TMEM120B: variants seen among roughly 807,000 people sequenced by gnomAD.
The protein encoded by TMEM120B is transmembrane protein 120B.
Under a neutral mutation model 55.5 loss-of-function variants are expected in TMEM120B, and 31 were observed. The ratio of observed to expected loss-of-function variants is 0.56; its 90% CI spans 0.42 to 0.75. The LOEUF is 0.75. TMEM120B is among the 30% of genes least tolerant of loss of function. TMEM120B has a pLI of 0.00. For missense variants in TMEM120B, 399 were observed against 425.5 expected, an observed-to-expected ratio of 0.94 and a Z score of 0.55; for synonymous variants, 203 against 176.3, an observed-to-expected ratio of 1.15 and a Z score of -1.20.
intron 1 of TMEM120B, 71 bp from the exon 2 acceptor site, chr12:121,743,555 CAAA>C: frequency 3.1e-6 from 3 of 969,402 alleles, no homozygotes; most frequent in Non-Finnish European, 3.0e-6. Context: ...GAGACTCTCT[CAAA>C]AAAAAAAAGA....
rs534920584 is a variant in TMEM120B, at chr12:121,754,481, C to T, written c.461+2258C>T. ...CACATTTTCCCACAGTTCTGGAAGC[C>T]GGCGGTCTGAAAGCAGGGCGTGGCA... On this transcript the variant is annotated intron_variant, in intron 5 of 11. Coordinates refer to ENST00000449592, the MANE Select transcript of TMEM120B (RefSeq NM_001080825.2). Among the ~76,000 whole-genome samples, 729 of 152,286 alleles carry T rather than the reference C, an allele frequency of 4.8e-3. 4 individuals are homozygous for T. The highest frequency in any genetic ancestry group is 8.3e-3 in the Non-Finnish European group (564 of 68,018).
At chr12:121,763,848 C>T (rs1873761569) in intron 6 of TMEM120B, among the ~76,000 whole-genome samples, 1 of 152,190 alleles carries the variant, frequency 6.6e-6, no homozygotes. Context: ...GCTGCGCAGC[C>T]CCCACCGCCT....
At chr12:121,757,271 C>T (rs1001581398) in intron 5 of TMEM120B, among the ~76,000 whole-genome samples, 2 of 152,040 alleles carry the variant, frequency 1.3e-5, no homozygotes, top group African/African-American at 4.8e-5. Flanking sequence ...AAGCGATTCA[C>T]CTGCCTCAGC....
chr12:121,736,257 C>T (rs1402687291), intron 1 of TMEM120B, among the ~76,000 whole-genome samples: 2 of 151,750 alleles, frequency 1.3e-5, no homozygotes, highest in Non-Finnish European at 1.5e-5. Flanking sequence ...TCACTGCAAC[C>T]TCTGCCTCCC....
At chr12:121,729,328 G>A (rs1379518678) in intron 1 of TMEM120B, among the ~76,000 whole-genome samples, 1 of 152,240 alleles carries the variant, frequency 6.6e-6, no homozygotes, top group Non-Finnish European at 1.5e-5. Flanking sequence ...ACACCCTGAT[G>A]TGCAAAGAGT....
In TMEM120B at chr12:121,773,457, G is replaced by A. The variant is rs1469457330; in HGVS notation, c.716G>A (p.Gly239Asp). The A allele has an allele frequency of 6.2e-7, 1 of 1,610,088 alleles. No individual in the cohort carries two copies. The highest frequency in any genetic ancestry group is 8.5e-7 in the Non-Finnish European group (1 of 1,177,948). Residue 239 changes from glycine (G) to aspartate (D), a missense_variant, in exon 9 of 12, where the codon GGC (glycine) becomes GAC (aspartate). Around this residue, in one of 3 missense-constraint regions of TMEM120B, gnomAD observed 260 missense variants for 303.9 expected, o/e 0.86. Transcript: ENST00000449592. ...VQFLQYYYQRGCLYRLRALGE... is the reference protein window; with the variant it reads ...VQFLQYYYQRDCLYRLRALGE... ...TTCCTGCAATATTATTACCAGAGGG[G>A]CTGCCTCTACCGGCTGCGGGCCCTG...
In TMEM120B at chr12:121,777,622, G is replaced by A. The variant is rs1236686277; in HGVS notation, c.*1900G>A. 1 of 152,220 alleles carries A rather than the reference G, an allele frequency of 6.6e-6. No individual in the cohort carries two copies. The highest frequency in any genetic ancestry group is 1.9e-4 in the East Asian group (1 of 5,204). The allele number at this position is 152,220 out of a possible 1,614,324, so 9.4% of individuals were successfully genotyped here. The stretch of plus-strand genomic sequence containing the variant: ...TTTTTAGGCACCTGCGTTTGCCCTA[G>A]ATTAGGAGTCAGCTAGCTGTCTGTA... On this transcript the variant is annotated 3_prime_UTR_variant, in exon 12 of 12. Coordinates refer to ENST00000449592, the MANE Select transcript of TMEM120B (RefSeq NM_001080825.2).
At chr12:121,723,481 T>TG (rs542317518) in intron 1 of TMEM120B, among the ~76,000 whole-genome samples, 209 of 152,214 alleles carry the variant, frequency 1.4e-3, no homozygotes, top group Admixed American at 4.4e-3. Context: ...GGCACAAGCT[T>TG]GTGCTGGCGG....
rs1484787960 is a variant in TMEM120B, at chr12:121,779,981, G to A, written c.*4259G>A. Reference sequence around the variant, plus strand: ...TCCCAGGCCTGTGAGAAGAGTTGGAGGCCTCAAGACAGAAAGGACTTCCAG... The same window carrying A: ...TCCCAGGCCTGTGAGAAGAGTTGGAAGCCTCAAGACAGAAAGGACTTCCAG... On this transcript the variant is annotated 3_prime_UTR_variant, in exon 12 of 12. Transcript: ENST00000449592. 3.3e-6 allele frequency: 1 copy of A among 302,428 alleles called. No homozygotes were observed. The highest frequency in any genetic ancestry group is 6.3e-6 in the Non-Finnish European group (1 of 159,364). 18.7% of individuals were successfully genotyped at this position (302,428 alleles called of 1,614,324 possible).
chr12:121,739,690 T>C (rs1592932261), intron 1 of TMEM120B, among the ~76,000 whole-genome samples: 3 of 151,736 alleles, frequency 2.0e-5, no homozygotes. Flanking sequence ...CAGGCTGGTC[T>C]TGAACTCCTG....
At chr12:121,752,678 A>G (rs1048471591) in intron 5 of TMEM120B, among the ~76,000 whole-genome samples, 1 of 152,130 alleles carries the variant, frequency 6.6e-6, no homozygotes, top group Non-Finnish European at 1.5e-5. Context: ...GCTTGAACCC[A>G]GGAGGCAGAG....
chr12:121,759,140 A>C (rs780137294), intron 5 of TMEM120B, among the ~76,000 whole-genome samples: 128 of 119,338 alleles, frequency 1.1e-3, no homozygotes, highest in Non-Finnish European at 1.8e-3. Flanking sequence ...TTTTTTTCTG[A>C]GGTGGAGTCT....
rs1312222576 is a variant in TMEM120B, at chr12:121,775,227, G to A, written c.906+97G>A. Reference sequence around the variant, plus strand: ...TGGCATGCTGGGGTGCGGATTCCTGGGGAGGGCTGGGATGGCAGATGTGGG... The same window carrying A: ...TGGCATGCTGGGGTGCGGATTCCTGAGGAGGGCTGGGATGGCAGATGTGGG... On this transcript the variant is annotated intron_variant, in intron 11 of 11. Transcript: ENST00000449592. This position sits in a 1 kb window ranked among gnomAD's most constrained non-coding sequence, Gnocchi z 4.3. 2 of 1,237,844 alleles carry A rather than the reference G, an allele frequency of 1.6e-6. No homozygotes were observed. Among genetic ancestry groups the A allele is most frequent in the African/African-American group, 3.0e-5 (2 of 65,946 alleles). The allele number at this position is 1,237,844 out of a possible 1,614,324, so 76.7% of individuals were successfully genotyped here.
chr12:121,777,000 G>T lies in TMEM120B; in HGVS notation c.*1278G>T, dbSNP rs1874270186. 1 of 147,924 alleles carries T rather than the reference G, an allele frequency of 6.8e-6. No individual in the cohort carries two copies. The highest frequency in any genetic ancestry group is 1.5e-5 in the Non-Finnish European group (1 of 67,434). 9.2% of individuals were successfully genotyped at this position (147,924 alleles called of 1,614,324 possible). ...GATGGGAGTCTCGATCTGTTACCCA[G>T]GCTGGAGTGCAGTGACACAATCTCA... On this transcript the variant is annotated 3_prime_UTR_variant, in exon 12 of 12. Coordinates refer to ENST00000449592, the MANE Select transcript of TMEM120B (RefSeq NM_001080825.2).
intron 1 of TMEM120B, among the ~76,000 whole-genome samples, chr12:121,736,277 C>A (rs1018634253): frequency 1.1e-4 from 16 of 151,304 alleles, no homozygotes; most frequent in African/African-American, 3.9e-4. Context: ...CAGGTTCACT[C>A]CATTCTCCTG....
At chr12:121,726,569 ACT>A (rs1351186174) in intron 1 of TMEM120B, among the ~76,000 whole-genome samples, 17 of 130,380 alleles carry the variant, frequency 1.3e-4, no homozygotes, top group African/African-American at 4.7e-4. Context: ...ACAGAGCGAG[ACT>A]CTGTCTCAAA....
intron 5 of TMEM120B, chr12:121,758,741 T>C (rs1873566763): frequency 2.0e-6 from 2 of 976,126 alleles, no homozygotes; most frequent in African/African-American, 1.8e-5. Flanking sequence ...GTGGTCACCA[T>C]GGAGGAGGAC....
intron 1 of TMEM120B, among the ~76,000 whole-genome samples, chr12:121,726,217 T>C (rs997166643): frequency 6.6e-6 from 1 of 152,008 alleles, no homozygotes; most frequent in Non-Finnish European, 1.5e-5. Context: ...TGTATAAAAA[T>C]CACTGAATTA....
chr12:121,712,972 C>T lies in TMEM120B; in HGVS notation c.69+8C>T, dbSNP rs753502769. 3 of 1,535,540 alleles carry T rather than the reference C, an allele frequency of 2.0e-6. No individual in the cohort carries two copies. The highest frequency in any genetic ancestry group is 1.4e-5 in the African/African-American group (1 of 69,556). ...GAATTTCAAGAACTGCAGGTAGGGC[C>T]AGGCCACCTGGTCCCGCAACTCTGC... On this transcript the variant is annotated splice_region_variant and intron_variant, in intron 1 of 11. Transcript: ENST00000449592.
Sources: gnomAD v4.1 joint callset for allele counts (sites outside exome capture counted in the v4.1 genomes callset) on GRCh38, gnomAD v4.1.1 for gene constraint, gnomAD v4.1.1 regional missense constraint, Gnocchi (gnomAD v3.1) non-coding constraint, MANE v1.5 for transcripts, NCBI Gene and HGNC (gene_info 2026-07-23, HGNC 2026-07-21) for gene names.